The following SPAG16 variants were observed in gnomAD, a reference collection of about 807,000 sequenced individuals.
SPAG16 encodes sperm-associated antigen 16 protein.
A neutral mutation model predicts 80.4 loss-of-function variants in SPAG16; 86 were observed. The ratio of observed to expected loss-of-function variants is 1.07; its 90% confidence interval spans 0.90 to 1.28. SPAG16 has a LOEUF of 1.28. Among genes scored for constraint, SPAG16 ranks in the 50% most tolerant of loss-of-function variants. The probability of loss-of-function intolerance (pLI) is 0.00; values close to 1 mark genes in which losing one functional copy is unlikely to be tolerated. For synonymous variants in SPAG16, 294 were observed against 265.9 expected, an observed-to-expected ratio of 1.11 and a Z score of -1.03; for missense variants, 870 against 765.3, an observed-to-expected ratio of 1.14 and a Z score of -1.61.
At chr2:213,732,863 G>A (rs1466595082) in intron 10 of SPAG16, among the ~76,000 whole-genome samples, 1 of 152,114 alleles carries the variant, frequency 6.6e-6, no homozygotes, top group East Asian at 1.9e-4. Flanking sequence ...TTTATAATAG[G>A]ATTATTTCTA....
In SPAG16 at chr2:213,983,910, C is replaced by T. The variant is rs184110150; in HGVS notation, c.1401-30041C>T. ...ATATCATAGTAGTGACATTGGAACC[C>T]GCATGCAAGTCATTATAAATTCCTG... On this transcript the variant is annotated intron_variant, in intron 12 of 15. Coordinates refer to ENST00000331683, the MANE Select transcript of SPAG16 (RefSeq NM_024532.5). Among the ~76,000 whole-genome samples the T allele has an allele frequency of 1.2e-4, 18 of 151,956 alleles. 1 individual carries two copies. The South Asian group carries it at 1.5e-3, about 12-fold the overall frequency.
chr2:214,398,912 G>A (rs1321937732), intron 15 of SPAG16, among the ~76,000 whole-genome samples: 1 of 152,128 alleles, frequency 6.6e-6, no homozygotes, highest in Non-Finnish European at 1.5e-5. Context: ...ATCTTTCTCT[G>A]TAAAATGAAA....
intron 14 of SPAG16, among the ~76,000 whole-genome samples, chr2:214,130,210 G>A (rs993998303): frequency 3.9e-5 from 6 of 152,150 alleles, no homozygotes; most frequent in African/African-American, 7.2e-5. Context: ...TCTAGCAGCC[G>A]GTGTGAGAGT....
At chr2:214,284,181 C>T (rs1266890741) in intron 15 of SPAG16, among the ~76,000 whole-genome samples, 1 of 152,052 alleles carries the variant, frequency 6.6e-6, no homozygotes, top group Non-Finnish European at 1.5e-5. Context: ...AAAGAGACTG[C>T]GTTATGAGAA....
At chr2:214,303,034 G>T (rs1694671121) in intron 15 of SPAG16, among the ~76,000 whole-genome samples, 1 of 152,104 alleles carries the variant, frequency 6.6e-6, no homozygotes, top group Non-Finnish European at 1.5e-5. Flanking sequence ...TGAGTGTCTT[G>T]AAGACGGCAG....
chr2:213,704,834 T>A (rs2065665603), intron 10 of SPAG16, among the ~76,000 whole-genome samples: 1 of 152,164 alleles, frequency 6.6e-6, no homozygotes, highest in Non-Finnish European at 1.5e-5. Context: ...AAAAGGTGAC[T>A]CTATTTGTAG....
intron 10 of SPAG16, among the ~76,000 whole-genome samples, chr2:213,517,424 A>C (rs2125834939): frequency 6.6e-6 from 1 of 152,298 alleles, no homozygotes; most frequent in Non-Finnish European, 1.5e-5. Flanking sequence ...TTATCAAACT[A>C]CCAATGTCAT....
At chr2:213,773,543 GA>G (rs1228082117) in intron 10 of SPAG16, among the ~76,000 whole-genome samples, 1 of 151,854 alleles carries the variant, frequency 6.6e-6, no homozygotes, top group Non-Finnish European at 1.5e-5. Context: ...TTTTAATTTG[GA>G]AATTTTTCTT....
rs1019282630 is a variant in SPAG16 at position 213,383,206 on chromosome 2, A to G, written c.942+8087A>G. ...AAGTAAGTGACATATTGGATAATAT[A>G]TGTATAAACACTTTATACATTATAA... On this transcript the variant is annotated intron_variant, in intron 9 of 15. Transcript: ENST00000331683. Among the ~76,000 whole-genome samples the G allele has an allele frequency of 2.6e-5, 4 of 152,324 alleles. No homozygotes were observed. The South Asian group carries it at 8.3e-4, about 32-fold the overall frequency.
chr2:214,394,471 C>T (rs1012149656), intron 15 of SPAG16, among the ~76,000 whole-genome samples: 2 of 152,080 alleles, frequency 1.3e-5, no homozygotes, highest in African/African-American at 4.8e-5. Context: ...TTTTAAAGCA[C>T]CTACTTTGAG....
At chr2:214,118,530 A>G (rs2054055073) in intron 14 of SPAG16, among the ~76,000 whole-genome samples, 1 of 152,190 alleles carries the variant, frequency 6.6e-6, no homozygotes, top group South Asian at 2.1e-4. Flanking sequence ...TCATGGCAGA[A>G]GGGGAATCAA....
chr2:213,463,844 C>T (rs1002412607), intron 9 of SPAG16, among the ~76,000 whole-genome samples: 2 of 152,184 alleles, frequency 1.3e-5, no homozygotes, highest in Non-Finnish European at 1.5e-5. Flanking sequence ...TCAGCAAGTG[C>T]GAGGGAGTGG....
At chr2:214,163,118 G>A (rs1032376240) in intron 15 of SPAG16, among the ~76,000 whole-genome samples, 14 of 151,928 alleles carry the variant, frequency 9.2e-5, no homozygotes, top group African/African-American at 3.4e-4. Context: ...ATATAAATCT[G>A]TCAGTTTTCA....
At position 214,013,927 on chromosome 2, in the gene SPAG16, A is replaced by T. The variant is rs1201309139; in HGVS notation, c.1401-24A>T. On this transcript the variant is annotated intron_variant, in intron 12 of 15. Coordinates refer to ENST00000331683, the MANE Select transcript of SPAG16 (RefSeq NM_024532.5). Reference sequence around the variant, plus strand: ...AGACAGCATAGATACTAACTCCTAAAATTCTTAATTTCTCTCTTTATAGTG... The same window carrying T: ...AGACAGCATAGATACTAACTCCTAATATTCTTAATTTCTCTCTTTATAGTG... 5 of 1,609,656 alleles carry T rather than the reference A, an allele frequency of 3.1e-6. No individual in the cohort carries two copies. In the South Asian group the frequency reaches 5.5e-5, roughly 18 times the overall value.
At chr2:213,832,902 G>A (rs1400367129) in intron 10 of SPAG16, among the ~76,000 whole-genome samples, 5 of 151,942 alleles carry the variant, frequency 3.3e-5, no homozygotes, top group Non-Finnish European at 5.9e-5. Flanking sequence ...AGTGATAGGC[G>A]AGGAAAGGTA....
intron 10 of SPAG16, among the ~76,000 whole-genome samples, chr2:213,825,725 A>G (rs1300744818): frequency 1.1e-4 from 6 of 55,372 alleles, no homozygotes; most frequent in Non-Finnish European, 1.9e-4. Context: ...TTTTTTTTTG[A>G]TGTGTCTTTG....
At chr2:213,302,622 GGTGTGTGTGTGT>G (rs778369117) in intron 3 of SPAG16, 9 of 64,874 alleles carry the variant, frequency 1.4e-4, no homozygotes, top group Non-Finnish European at 2.3e-4. Flanking sequence ...GCTTGGAAGG[GGTGTGTGTGTGT>G]GTGTGTGTGT....
At chr2:213,358,239 G>T (rs1339717729) in intron 7 of SPAG16, among the ~76,000 whole-genome samples, 1 of 151,926 alleles carries the variant, frequency 6.6e-6, no homozygotes, top group Non-Finnish European at 1.5e-5. Flanking sequence ...TGTGTCTTAG[G>T]GTTACTCTTC....
chr2:213,740,521 T>C (rs2067499170), intron 10 of SPAG16, among the ~76,000 whole-genome samples: 1 of 152,226 alleles, frequency 6.6e-6, no homozygotes. Context: ...GTAGATTGCG[T>C]TGTAGTTCAG....
Sources: allele counts gnomAD v4.1 joint callset (sites outside exome capture counted in the v4.1 genomes callset), GRCh38; gene constraint gnomAD v4.1.1; transcripts MANE v1.5; gene names NCBI Gene and HGNC (gene_info 2026-07-23, HGNC 2026-07-21).